Variants in PCDH9 observed in about 807,000 individuals in gnomAD.
The protein encoded by PCDH9 is protocadherin 9.
In PCDH9, 24 loss-of-function variants were observed where a neutral mutation model predicts 70.6. The ratio of observed to expected loss-of-function variants is 0.34; its 90% CI spans 0.25 to 0.48. The LOEUF (loss-of-function observed/expected upper bound fraction) is 0.48, where lower values mean the gene tolerates loss of function less well. Ranked by LOEUF, PCDH9 falls within the 20% of genes least tolerant of loss-of-function variation. PCDH9 has a pLI of 0.99. For missense variants in PCDH9, 1,281 were observed against 1,503.6 expected (o/e 0.85, Z 2.45); for synonymous variants, 562 against 558.5 (o/e 1.01, Z -0.09).
intron 2 of PCDH9, among the ~76,000 whole-genome samples, chr13:66,952,307 G>GC (rs1195557135): frequency 6.6e-6 from 1 of 152,124 alleles, no homozygotes; most frequent in Non-Finnish European, 1.5e-5. Flanking sequence ...AGCCACCACT[G>GC]TTCTAATTAT....
chr13:66,474,080 A>T lies in PCDH9; in HGVS notation c.3340+157130T>A, dbSNP rs1403286593. On this transcript the variant is annotated intron_variant, in intron 4 of 4. Transcript: ENST00000377865. ...TTTAAGGAAATTGACTCTGACAACA[A>T]ATGCATTCAATATATTATTGTGAAT... 2.0e-5 allele frequency among the ~76,000 whole-genome samples: 3 copies of T among 152,198 alleles called. No individual in the cohort carries two copies. In the East Asian group the frequency reaches 5.8e-4, roughly 29 times the overall value.
At chr13:66,826,366 A>G (rs1208482041) in intron 3 of PCDH9, among the ~76,000 whole-genome samples, 1 of 152,194 alleles carries the variant, frequency 6.6e-6, no homozygotes, top group African/African-American at 2.4e-5. Flanking sequence ...TATAAAGGCC[A>G]TGGATAAAGT....
intron 2 of PCDH9, among the ~76,000 whole-genome samples, chr13:66,987,474 C>A (rs1008986313): frequency 5.9e-5 from 9 of 151,850 alleles, no homozygotes; most frequent in African/African-American, 1.9e-4. Context: ...TCCAGTTTGA[C>A]CTTGTTTTGC....
At chr13:66,907,190 C>T (rs914787161) in intron 2 of PCDH9, among the ~76,000 whole-genome samples, 21 of 151,914 alleles carry the variant, frequency 1.4e-4, no homozygotes, top group African/African-American at 4.8e-5. Flanking sequence ...GGCGACAGAA[C>T]GAGATTCTGC....
At chr13:66,447,896 T>C (rs139593310) in intron 4 of PCDH9, among the ~76,000 whole-genome samples, 254 of 152,274 alleles carry the variant, frequency 1.7e-3, no homozygotes, top group African/African-American at 5.7e-3. Flanking sequence ...TGAAAAAATA[T>C]GAGGTAATGA....
chr13:66,889,537 G>T (rs991208057), intron 3 of PCDH9, among the ~76,000 whole-genome samples: 5 of 152,222 alleles, frequency 3.3e-5, no homozygotes, highest in African/African-American at 1.2e-4. Context: ...AAGTGGAGGA[G>T]AAACACTTAT....
intron 2 of PCDH9, among the ~76,000 whole-genome samples, chr13:67,014,725 G>A (rs1447977716): frequency 1.3e-5 from 2 of 151,946 alleles, no homozygotes; most frequent in Non-Finnish European, 2.9e-5. Context: ...TTTGAATTGT[G>A]TTTTTGATCT....
chr13:66,967,398 C>T (rs546801829), intron 2 of PCDH9, among the ~76,000 whole-genome samples: 6 of 151,994 alleles, frequency 3.9e-5, no homozygotes, highest in Non-Finnish European at 8.8e-5. Context: ...AAAGTTAGTT[C>T]CTCAATCACA....
At chr13:66,528,656 A>C (rs1960313684) in intron 4 of PCDH9, among the ~76,000 whole-genome samples, 1 of 152,160 alleles carries the variant, frequency 6.6e-6, no homozygotes, top group Admixed American at 6.6e-5. Flanking sequence ...CATTTAGAAA[A>C]GTATTACTTC....
chr13:66,518,806 G>A (rs887439071), intron 4 of PCDH9, among the ~76,000 whole-genome samples: 1 of 152,108 alleles, frequency 6.6e-6, no homozygotes, highest in Non-Finnish European at 1.5e-5. Flanking sequence ...GGGATTCAAT[G>A]GGCAGGGAAT....
intron 3 of PCDH9, among the ~76,000 whole-genome samples, chr13:66,846,580 T>C (rs1228380934): frequency 6.6e-6 from 1 of 152,144 alleles, no homozygotes; most frequent in Non-Finnish European, 1.5e-5. Context: ...TCCTTTTTCT[T>C]TATTTTTCTC....
intron 4 of PCDH9, among the ~76,000 whole-genome samples, chr13:66,431,751 C>A (rs555991728): frequency 1.3e-5 from 2 of 152,054 alleles, no homozygotes; most frequent in South Asian, 4.1e-4. Context: ...CATTCAGAAG[C>A]ACTGACAATA....
At chr13:66,836,442 A>T (rs1453621037) in intron 3 of PCDH9, among the ~76,000 whole-genome samples, 1 of 152,228 alleles carries the variant, frequency 6.6e-6, no homozygotes, top group East Asian at 1.9e-4. Flanking sequence ...GCTGATACCT[A>T]GTCTTATCTG....
intron 3 of PCDH9, among the ~76,000 whole-genome samples, chr13:66,682,521 C>G (rs1464044258): frequency 6.6e-6 from 1 of 151,958 alleles, no homozygotes; most frequent in Non-Finnish European, 1.5e-5. Flanking sequence ...GTTTCCAGCT[C>G]AGTTTCGGAG....
intron 4 of PCDH9, among the ~76,000 whole-genome samples, chr13:66,567,007 A>G (rs1314421815): frequency 3.3e-5 from 5 of 152,154 alleles, no homozygotes; most frequent in Non-Finnish European, 7.4e-5. Flanking sequence ...AATAAAAATG[A>G]TATATGAATG....
chr13:66,790,891 T>C lies in PCDH9; in HGVS notation c.3138+112613A>G, dbSNP rs376795789. Among the ~76,000 whole-genome samples, 18 of 152,296 alleles carry C rather than the reference T, an allele frequency of 1.2e-4. No homozygotes were observed. The East Asian group carries it at 1.7e-3, about 15-fold the overall frequency. ...ACTGTTTTTAAAATTGTATTTTATC[T>C]TAGCCAGCTAATGTTGGCTCTCTGT... On this transcript the variant is annotated intron_variant, in intron 3 of 4. Transcript: ENST00000377865.
intron 3 of PCDH9, among the ~76,000 whole-genome samples, chr13:66,723,786 T>A (rs2078971790): frequency 6.6e-6 from 1 of 152,168 alleles, no homozygotes; most frequent in African/African-American, 2.4e-5. Context: ...CAGTGCAACA[T>A]GCCCAGAATA....
chr13:66,728,169 T>A (rs755946420), intron 3 of PCDH9, among the ~76,000 whole-genome samples: 4 of 152,126 alleles, frequency 2.6e-5, no homozygotes, highest in Admixed American at 6.6e-5. Flanking sequence ...CTATTGACTA[T>A]CCTTTGTACT....
intron 2 of PCDH9, among the ~76,000 whole-genome samples, chr13:66,929,357 C>T (rs2082768951): frequency 6.6e-6 from 1 of 151,696 alleles, no homozygotes; most frequent in African/African-American, 2.4e-5. Flanking sequence ...GAGTTTCACT[C>T]TTGTTGCCCA....
Sources: allele counts gnomAD v4.1 joint callset (sites outside exome capture counted in the v4.1 genomes callset), GRCh38; gene constraint gnomAD v4.1.1; transcripts MANE v1.5; gene names NCBI Gene and HGNC (gene_info 2026-07-23, HGNC 2026-07-21).